CHRM3: variants seen among roughly 807,000 people sequenced by gnomAD.
CHRM3 encodes cholinergic receptor muscarinic 3.
A neutral mutation model predicts 41.8 loss-of-function variants in CHRM3; 11 were observed. The observed-to-expected ratio is 0.26, with a 90% CI of 0.17 to 0.44. CHRM3 has a LOEUF of 0.44. CHRM3 is among the 20% of genes least tolerant of loss of function. The probability of loss-of-function intolerance (pLI) is 1.00; values close to 1 mark genes in which losing one functional copy is unlikely to be tolerated. For missense variants in CHRM3, 571 were observed against 745.4 expected, an observed-to-expected ratio of 0.77 and a Z score of 2.72; for synonymous variants, 297 against 301.4, an observed-to-expected ratio of 0.99 and a Z score of 0.15.
At chr1:239,783,290 A>G (rs1304126443) in intron 5 of CHRM3, among the ~76,000 whole-genome samples, 3 of 151,918 alleles carry the variant, frequency 2.0e-5, no homozygotes, top group Admixed American at 2.0e-4. Context: ...TTAGAGAGAT[A>G]AGAAACAATA....
At chr1:239,421,672 G>A (rs1281627329) in intron 1 of CHRM3, among the ~76,000 whole-genome samples, 1 of 152,066 alleles carries the variant, frequency 6.6e-6, no homozygotes, top group Non-Finnish European at 1.5e-5. Context: ...TTATTACATG[G>A]TTTAGGAAAT....
chr1:239,746,893 G>A (rs1665410025), intron 5 of CHRM3, among the ~76,000 whole-genome samples: 1 of 152,006 alleles, frequency 6.6e-6, no homozygotes, highest in Non-Finnish European at 1.5e-5. Context: ...GAGTAGCTGG[G>A]ACTACAGGTG....
intron 3 of CHRM3, among the ~76,000 whole-genome samples, chr1:239,611,847 T>C (rs964110072): frequency 6.6e-6 from 1 of 152,174 alleles, no homozygotes; most frequent in Admixed American, 6.5e-5. Flanking sequence ...CAAAAGCATA[T>C]TACCAATGTT....
intron 3 of CHRM3, among the ~76,000 whole-genome samples, chr1:239,557,920 T>C (rs1200039571): frequency 6.6e-6 from 1 of 152,208 alleles, no homozygotes; most frequent in African/African-American, 2.4e-5. Context: ...GTCTTTGCTA[T>C]TGTGAATAGT....
intron 1 of CHRM3, among the ~76,000 whole-genome samples, chr1:239,440,983 C>T (rs1157910375): frequency 6.6e-6 from 1 of 152,126 alleles, no homozygotes; most frequent in Non-Finnish European, 1.5e-5. Flanking sequence ...ATCATTTTGA[C>T]AGTCTTTTGA....
chr1:239,641,065 G>C (rs1242601909), intron 4 of CHRM3, among the ~76,000 whole-genome samples: 1 of 152,102 alleles, frequency 6.6e-6, no homozygotes, highest in Non-Finnish European at 1.5e-5. Flanking sequence ...TTTAATGTAG[G>C]TGAGCGGTTT....
At chr1:239,863,687 T>C (rs561954471) in intron 6 of CHRM3, among the ~76,000 whole-genome samples, 1 of 151,592 alleles carries the variant, frequency 6.6e-6, no homozygotes, top group South Asian at 2.1e-4. Context: ...TTAAAATTGC[T>C]CCAGGTGCAG....
At chr1:239,806,586 G>C (rs887025629) in intron 5 of CHRM3, among the ~76,000 whole-genome samples, 3 of 152,344 alleles carry the variant, frequency 2.0e-5, no homozygotes, top group African/African-American at 7.2e-5. Context: ...CTGCATAGTT[G>C]CAAGTCACGT....
At chr1:239,647,183 C>T (rs751851456) in intron 4 of CHRM3, among the ~76,000 whole-genome samples, 1 of 152,204 alleles carries the variant, frequency 6.6e-6, no homozygotes, top group Non-Finnish European at 1.5e-5. Context: ...CTCTCACCAT[C>T]CGTGACCCCA....
chr1:239,844,627 T>G (rs1674114121), intron 6 of CHRM3, among the ~76,000 whole-genome samples: 1 of 152,212 alleles, frequency 6.6e-6, no homozygotes, highest in Non-Finnish European at 1.5e-5. Flanking sequence ...GTTGCTAATC[T>G]TTACCTAGGG....
At chr1:239,753,482 G>A (rs1470440477) in intron 5 of CHRM3, among the ~76,000 whole-genome samples, 1 of 152,176 alleles carries the variant, frequency 6.6e-6, no homozygotes, top group Non-Finnish European at 1.5e-5. Flanking sequence ...ATGAGAAAGA[G>A]AGAGTGATAA....
intron 1 of CHRM3, among the ~76,000 whole-genome samples, chr1:239,407,227 C>A (rs115004341): frequency 6.6e-6 from 1 of 152,026 alleles, no homozygotes; most frequent in Non-Finnish European, 1.5e-5. Context: ...GATCAGGCTG[C>A]GTTTTGTGAT....
intron 6 of CHRM3, among the ~76,000 whole-genome samples, chr1:239,866,066 G>A (rs1451197501): frequency 2.6e-5 from 4 of 152,036 alleles, no homozygotes; most frequent in African/African-American, 7.2e-5. Flanking sequence ...GGGAAAACGC[G>A]AGGCTTGGAG....
intron 1 of CHRM3, among the ~76,000 whole-genome samples, chr1:239,462,872 G>C (rs1337648387): frequency 6.6e-6 from 1 of 152,146 alleles, no homozygotes; most frequent in Non-Finnish European, 1.5e-5. Flanking sequence ...ACATTTTAGA[G>C]AATCAATTTC....
chr1:239,879,266 G>T (rs1435423924), intron 6 of CHRM3, among the ~76,000 whole-genome samples: 10 of 152,152 alleles, frequency 6.6e-5, no homozygotes, highest in Admixed American at 6.6e-4. Context: ...AAAGTGCTGG[G>T]ATTACGGGTG....
intron 1 of CHRM3, among the ~76,000 whole-genome samples, chr1:239,432,093 A>G (rs1305639888): frequency 2.6e-5 from 4 of 152,142 alleles, no homozygotes; most frequent in African/African-American, 9.6e-5. Context: ...TCACGCCAAA[A>G]TGGTTTGTAG....
At chr1:239,656,141 G>C (rs1672687519) in intron 4 of CHRM3, among the ~76,000 whole-genome samples, 1 of 151,638 alleles carries the variant, frequency 6.6e-6, no homozygotes, top group Non-Finnish European at 1.5e-5. Context: ...AAACACTGGA[G>C]ATCCCCAAAT....
At chr1:239,666,067 G>C (rs951480840) in intron 4 of CHRM3, among the ~76,000 whole-genome samples, 60 of 152,116 alleles carry the variant, frequency 3.9e-4, no homozygotes, top group African/African-American at 1.4e-3. Flanking sequence ...TGGTAAGCCT[G>C]GTTCTAGATC....
intron 3 of CHRM3, among the ~76,000 whole-genome samples, chr1:239,586,561 G>A (rs1340999635): frequency 6.6e-6 from 1 of 152,014 alleles, no homozygotes; most frequent in Non-Finnish European, 1.5e-5. Context: ...AGGATCTTAT[G>A]CTTATATCTA....
Sources: allele counts gnomAD v4.1 joint callset (sites outside exome capture counted in the v4.1 genomes callset), GRCh38; gene constraint gnomAD v4.1.1; transcripts MANE v1.5; gene names NCBI Gene and HGNC (gene_info 2026-07-23, HGNC 2026-07-21).